CACNA2D1: variants seen among roughly 807,000 people sequenced by gnomAD.
The protein encoded by CACNA2D1 is voltage-dependent calcium channel subunit alpha-2/delta-1.
Under a neutral mutation model 171.5 loss-of-function variants are expected in CACNA2D1, and 53 were observed. The ratio of observed to expected loss-of-function variants is 0.31; its 90% confidence interval spans 0.25 to 0.39. CACNA2D1 has a LOEUF of 0.39. CACNA2D1 is among the 10% of genes least tolerant of loss of function. The pLI, the probability that CACNA2D1 is intolerant of heterozygous loss-of-function variation, is 1.00. For missense variants in CACNA2D1, 903 were observed against 1,299.8 expected, an observed-to-expected ratio of 0.69 and a Z score of 4.69; for synonymous variants, 442 against 443.1, an observed-to-expected ratio of 1.00 and a Z score of 0.03.
At chr7:82,000,258 GAAA>G (rs201534245) in intron 18 of CACNA2D1, among the ~76,000 whole-genome samples, 2 of 151,400 alleles carry the variant, frequency 1.3e-5, no homozygotes, top group African/African-American at 4.9e-5. Context: ...ACCCATCTCA[GAAA>G]AAAAATAAAT....
chr7:82,171,122 C>A (rs943732087), intron 3 of CACNA2D1, among the ~76,000 whole-genome samples: 2 of 151,994 alleles, frequency 1.3e-5, no homozygotes, highest in African/African-American at 4.8e-5. Context: ...TTTAGTAGTT[C>A]TTTCAGCGAT....
chr7:82,019,343 A>G (rs1355319111), intron 12 of CACNA2D1, among the ~76,000 whole-genome samples: 1 of 152,158 alleles, frequency 6.6e-6, no homozygotes, highest in African/African-American at 2.4e-5. Flanking sequence ...AAAACAAAAA[A>G]AATTAAATTC....
intron 3 of CACNA2D1, among the ~76,000 whole-genome samples, chr7:82,260,076 G>A (rs1042632080): frequency 2.0e-5 from 3 of 152,080 alleles, no homozygotes; most frequent in Non-Finnish European, 4.4e-5. Context: ...ACACAAATTA[G>A]CTTTGCATGG....
At chr7:82,140,031 T>C (rs760659862) in intron 4 of CACNA2D1, among the ~76,000 whole-genome samples, 2 of 151,846 alleles carry the variant, frequency 1.3e-5, no homozygotes, top group Non-Finnish European at 2.9e-5. Flanking sequence ...CCTCAAGTGA[T>C]CTGCCTGCCT....
intron 3 of CACNA2D1, among the ~76,000 whole-genome samples, chr7:82,291,999 A>ACT (rs1811700073): frequency 6.7e-6 from 1 of 149,454 alleles, no homozygotes; most frequent in African/African-American, 2.5e-5. Flanking sequence ...ACACACATGC[A>ACT]CGCACACACA....
At chr7:82,192,093 T>A (rs918062840) in intron 3 of CACNA2D1, among the ~76,000 whole-genome samples, 1 of 151,612 alleles carries the variant, frequency 6.6e-6, no homozygotes, top group Admixed American at 6.6e-5. Flanking sequence ...ATCAGATACA[T>A]AACTTTAGGC....
intron 3 of CACNA2D1, among the ~76,000 whole-genome samples, chr7:82,182,290 T>C (rs1482850549): frequency 6.6e-6 from 1 of 152,094 alleles, no homozygotes; most frequent in Non-Finnish European, 1.5e-5. Flanking sequence ...CTGTAGGAAT[T>C]AGGTAAAAGA....
chr7:81,985,420 G>T (rs945717157), intron 21 of CACNA2D1, among the ~76,000 whole-genome samples: 4 of 151,870 alleles, frequency 2.6e-5, no homozygotes, highest in African/African-American at 9.7e-5. Flanking sequence ...CAGGCAGTCT[G>T]CCTGCCTCAG....
intron 3 of CACNA2D1, among the ~76,000 whole-genome samples, chr7:82,309,608 G>A (rs1487428768): frequency 1.3e-5 from 2 of 152,136 alleles, no homozygotes; most frequent in Non-Finnish European, 2.9e-5. Flanking sequence ...AACGCTGGCT[G>A]CTGGATTCTT....
chr7:82,128,445 G>C (rs958798999), intron 5 of CACNA2D1, among the ~76,000 whole-genome samples: 2 of 152,128 alleles, frequency 1.3e-5, no homozygotes, highest in African/African-American at 2.4e-5. Flanking sequence ...TGCCCTTGAG[G>C]AATTGTCTTA....
chr7:81,970,440 CTT>C (rs745951448), intron 27 of CACNA2D1, among the ~76,000 whole-genome samples: 1 of 151,496 alleles, frequency 6.6e-6, no homozygotes, highest in Non-Finnish European at 1.5e-5. Context: ...TTAAACGTCT[CTT>C]AAATGTTGTA....
At chr7:82,039,721 A>G (rs1244240063) in intron 10 of CACNA2D1, among the ~76,000 whole-genome samples, 2 of 152,204 alleles carry the variant, frequency 1.3e-5, no homozygotes, top group Non-Finnish European at 2.9e-5. Flanking sequence ...CTGTGATTCC[A>G]GAGAAATGTT....
At position 82,338,005 on chromosome 7, in the gene CACNA2D1, C is replaced by A. The variant is rs1425665103; in HGVS notation, c.178-2754G>T. ...CCTAGATTATGGTTTGTGAGATAGC[C>A]AAAAAAACCATAATCTATGTTCTAA... is the stretch of plus-strand genomic sequence containing the variant. On this transcript the variant is annotated intron_variant, in intron 2 of 38. Transcript: ENST00000356860. 3.3e-5 allele frequency among the ~76,000 whole-genome samples: 5 copies of A among 151,910 alleles called. No individual in the cohort carries two copies. In the East Asian group the frequency reaches 5.8e-4, roughly 18 times the overall value.
Position 82,300,931 on chromosome 7 carries a change from T to C in CACNA2D1, c.294+34204A>G, listed in dbSNP as rs76256479. On this transcript the variant is annotated intron_variant, in intron 3 of 38. Transcript: ENST00000356860. ...GGATCTGTATTACTGGTGTTAGTGA[T>C]TATAATGAAGCAGTTGATAACTTCC... Among the ~76,000 whole-genome samples the C allele has an allele frequency of 4.4e-3, 663 of 152,278 alleles. 4 individuals carry two copies. The highest frequency in any genetic ancestry group is 0.015 in the African/African-American group (632 of 41,544).
intron 3 of CACNA2D1, among the ~76,000 whole-genome samples, chr7:82,276,768 TAGAC>T (rs1397157775): frequency 6.6e-6 from 1 of 150,884 alleles, no homozygotes; most frequent in Non-Finnish European, 1.5e-5. Flanking sequence ...TTTTTTTTTT[TAGAC>T]AGAGTCTCAT....
At chr7:82,023,659 T>A (rs896907065) in intron 12 of CACNA2D1, among the ~76,000 whole-genome samples, 2 of 151,786 alleles carry the variant, frequency 1.3e-5, no homozygotes, top group Admixed American at 1.3e-4. Flanking sequence ...TATTACATTA[T>A]GGTAAGAACT....
intron 3 of CACNA2D1, among the ~76,000 whole-genome samples, chr7:82,187,974 A>T (rs1797929264): frequency 6.6e-6 from 1 of 152,168 alleles, no homozygotes. Flanking sequence ...CATGAATTCT[A>T]ATTGTAGCTC....
intron 1 of CACNA2D1, among the ~76,000 whole-genome samples, chr7:82,440,057 T>C (rs555835878): frequency 6.6e-6 from 1 of 151,760 alleles, no homozygotes; most frequent in Non-Finnish European, 1.5e-5. Context: ...GAAAAAAAAA[T>C]ATCCTAAGTA....
At chr7:82,034,944 G>C (rs943823449) in intron 11 of CACNA2D1, among the ~76,000 whole-genome samples, 1 of 152,054 alleles carries the variant, frequency 6.6e-6, no homozygotes, top group African/African-American at 2.4e-5. Flanking sequence ...TTTTTCCTAG[G>C]AGTAGCCTCT....
Sources: gnomAD v4.1 joint callset for allele counts (sites outside exome capture counted in the v4.1 genomes callset) on GRCh38, gnomAD v4.1.1 for gene constraint, MANE v1.5 for transcripts, NCBI Gene and HGNC (gene_info 2026-07-23, HGNC 2026-07-21) for gene names.